The following PPP1R14C variants were observed in gnomAD, a reference collection of about 807,000 sequenced individuals.
PPP1R14C encodes the protein protein phosphatase 1 regulatory subunit 14C.
In PPP1R14C, 16 loss-of-function variants were observed where a neutral mutation model predicts 20.4. That is an observed-to-expected ratio of 0.78 (90% CI 0.53 to 1.19). The LOEUF is 1.19. PPP1R14C is among the 50% of genes most tolerant of loss of function. The pLI, the probability that PPP1R14C is intolerant of heterozygous loss-of-function variation, is 0.00. For synonymous variants in PPP1R14C, 91 were observed against 91.0 expected, an observed-to-expected ratio of 1.00 and a Z score of 0.00; for missense variants, 211 against 220.1, an observed-to-expected ratio of 0.96 and a Z score of 0.26.
chr6:150,178,286 T>C (rs1777585017), intron 1 of PPP1R14C, among the ~76,000 whole-genome samples: 1 of 152,214 alleles, frequency 6.6e-6, no homozygotes, highest in South Asian at 2.1e-4. Flanking sequence ...TCCCACAACC[T>C]AGCCTGTGTA....
At chr6:150,242,656 G>T (rs1219928632) in intron 3 of PPP1R14C, among the ~76,000 whole-genome samples, 1 of 152,116 alleles carries the variant, frequency 6.6e-6, no homozygotes, top group Non-Finnish European at 1.5e-5. Flanking sequence ...ACATGGTCAG[G>T]GTATTCACTT....
At chr6:150,209,841 TTGTGTGTG>T (rs148237324) in intron 1 of PPP1R14C, among the ~76,000 whole-genome samples, 1 of 143,746 alleles carries the variant, frequency 7.0e-6, no homozygotes, top group African/African-American at 2.6e-5. Flanking sequence ...GTGTATATAT[TTGTGTGTG>T]TGTGTGTGTG....
intron 3 of PPP1R14C, among the ~76,000 whole-genome samples, chr6:150,240,261 T>G (rs9322254): frequency 0.015 from 2,240 of 152,258 alleles, 40 homozygotes; most frequent in East Asian, 0.1. Flanking sequence ...TGCCAGTAAA[T>G]CCAACAACTT....
In PPP1R14C at chr6:150,174,392, A is replaced by G. The variant is rs533060427; in HGVS notation, c.306+30894A>G. Among the ~76,000 whole-genome samples, 6 of 151,030 alleles carry G rather than the reference A, an allele frequency of 4.0e-5. No homozygotes were observed. In the East Asian group the frequency reaches 6.3e-4, roughly 16 times the overall value. On this transcript the variant is annotated intron_variant, in intron 1 of 3. Coordinates refer to ENST00000361131, the MANE Select transcript of PPP1R14C (RefSeq NM_030949.3). ...CCCCCACCACTCCCAGGTAATCTGT[A>G]TTTTTAGTAGAGATGGGGTTTCACC...
chr6:150,210,221 C>T (rs1778005607), intron 1 of PPP1R14C, among the ~76,000 whole-genome samples: 1 of 152,168 alleles, frequency 6.6e-6, no homozygotes, highest in Middle Eastern at 3.4e-3. Context: ...TGGTGATGGC[C>T]AAGCCTACAC....
At chr6:150,242,017 T>C (rs1778437627) in intron 3 of PPP1R14C, among the ~76,000 whole-genome samples, 1 of 152,074 alleles carries the variant, frequency 6.6e-6, no homozygotes, top group Non-Finnish European at 1.5e-5. Context: ...CTGTGTTGAG[T>C]GTGGGAGTAG....
rs1045258033 is a variant in PPP1R14C, at chr6:150,185,317, C to G, written c.307-29427C>G. Among the ~76,000 whole-genome samples the G allele has an allele frequency of 6.6e-6, 1 of 152,238 alleles. No individual in the cohort carries two copies. Among genetic ancestry groups the G allele is most frequent in the East Asian group, 1.9e-4 (1 of 5,164 alleles). ...TGCCTAGCAGTAGTCAGCCTGACACCGACCATGTCTCATGAAAGTCACACA... is the reference window on the plus strand; with the variant it reads ...TGCCTAGCAGTAGTCAGCCTGACACGGACCATGTCTCATGAAAGTCACACA... On this transcript the variant is annotated intron_variant, in intron 1 of 3. Transcript: ENST00000361131. The surrounding 1 kb of genome is among the most constrained non-coding windows in gnomAD (Gnocchi z 4.1).
At position 150,186,223 on chromosome 6, in the gene PPP1R14C, C is replaced by T. The variant is rs182645922; in HGVS notation, c.307-28521C>T. 5.3e-5 allele frequency among the ~76,000 whole-genome samples: 8 copies of T among 152,258 alleles called. No individual in the cohort carries two copies. In the East Asian group the frequency reaches 1.5e-3, roughly 29 times the overall value. On this transcript the variant is annotated intron_variant, in intron 1 of 3. Transcript: ENST00000361131. Reference sequence around the variant, plus strand: ...AATCAGGGAGAAAAGACATTAATTCCAGGAAGCTTAGCAAACAGGCGGTTC... The same window carrying T: ...AATCAGGGAGAAAAGACATTAATTCTAGGAAGCTTAGCAAACAGGCGGTTC...
intron 1 of PPP1R14C, among the ~76,000 whole-genome samples, chr6:150,174,106 A>G (rs902717666): frequency 6.8e-6 from 1 of 146,908 alleles, no homozygotes; most frequent in Non-Finnish European, 1.5e-5. Context: ...TGATAGGTGC[A>G]TACGTTGTGA....
intron 3 of PPP1R14C, among the ~76,000 whole-genome samples, chr6:150,246,147 A>T (rs1477085595): frequency 1.3e-5 from 2 of 152,242 alleles, no homozygotes; most frequent in African/African-American, 4.8e-5. Context: ...ATCCAAATTT[A>T]AATTTGATTG....
At chr6:150,188,732 C>T (rs940427446) in intron 1 of PPP1R14C, among the ~76,000 whole-genome samples, 1 of 151,822 alleles carries the variant, frequency 6.6e-6, no homozygotes, top group South Asian at 2.1e-4. Context: ...ATGATCCACC[C>T]GCCTAGGCCT....
Position 150,143,437 on chromosome 6 carries a change from G to T in PPP1R14C, c.245G>T (p.Arg82Leu). Residue 82 changes from arginine (R) to leucine (L), a missense_variant, in exon 1 of 4, where the codon CGG (arginine) becomes CTG (leucine). Transcript: ENST00000361131. The surrounding 1 kb of genome is among the most constrained non-coding windows in gnomAD (Gnocchi z 5.6). ...VTVKYDRKELRKRLVLEEWIV... is the reference protein window; with the variant it reads ...VTVKYDRKELLKRLVLEEWIV... ...GTGAAATACGATCGTAAGGAGCTTCGGAAGCGGCTGGTGCTGGAGGAATGG... is the reference window on the plus strand; with the variant it reads ...GTGAAATACGATCGTAAGGAGCTTCTGAAGCGGCTGGTGCTGGAGGAATGG... 1 of 1,611,618 alleles carries T rather than the reference G, an allele frequency of 6.2e-7. No homozygotes were observed. Among genetic ancestry groups the T allele is most frequent in the Non-Finnish European group, 8.5e-7 (1 of 1,179,080 alleles).
chr6:150,169,746 T>C (rs1777476439), intron 1 of PPP1R14C, among the ~76,000 whole-genome samples: 2 of 152,166 alleles, frequency 1.3e-5, no homozygotes, highest in Admixed American at 6.5e-5. Context: ...TGCAACAAAC[T>C]CCCCCACATC....
At chr6:150,164,869 T>C (rs974951866) in intron 1 of PPP1R14C, among the ~76,000 whole-genome samples, 3 of 152,214 alleles carry the variant, frequency 2.0e-5, no homozygotes, top group Admixed American at 6.5e-5. Context: ...GAGGTGATTA[T>C]GTCCTGAGGG....
At chr6:150,162,377 A>G (rs1396787867) in intron 1 of PPP1R14C, among the ~76,000 whole-genome samples, 3 of 152,054 alleles carry the variant, frequency 2.0e-5, no homozygotes, top group Non-Finnish European at 4.4e-5. Context: ...TTCTTCCTGA[A>G]CCACTGATCT....
At chr6:150,228,707 T>C (rs1778258163) in intron 3 of PPP1R14C, among the ~76,000 whole-genome samples, 1 of 152,136 alleles carries the variant, frequency 6.6e-6, no homozygotes, top group Non-Finnish European at 1.5e-5. Context: ...GAAGATGCTT[T>C]TTTTTCAGGC....
chr6:150,239,030 T>C (rs1778401517), intron 3 of PPP1R14C, among the ~76,000 whole-genome samples: 2 of 152,130 alleles, frequency 1.3e-5, no homozygotes, highest in African/African-American at 4.8e-5. Flanking sequence ...TCATTGATCC[T>C]CACCCATCCT....
At chr6:150,219,845 T>A (rs1196794625) in intron 3 of PPP1R14C, among the ~76,000 whole-genome samples, 1 of 150,006 alleles carries the variant, frequency 6.7e-6, no homozygotes, top group African/African-American at 2.5e-5. Flanking sequence ...TTTGTGTGTA[T>A]AAGAACGGCT....
intron 1 of PPP1R14C, chr6:150,195,047 G>A: frequency 1.0e-6 from 1 of 985,152 alleles, no homozygotes; most frequent in Non-Finnish European, 1.2e-6. Flanking sequence ...ATAGCCTTTT[G>A]AATATAACCT....
Sources: allele counts gnomAD v4.1 joint callset (sites outside exome capture counted in the v4.1 genomes callset), GRCh38; gene constraint gnomAD v4.1.1; non-coding constraint Gnocchi (gnomAD v3.1); transcripts MANE v1.5; gene names NCBI Gene and HGNC (gene_info 2026-07-23, HGNC 2026-07-21).